DROSHA: variants seen among roughly 807,000 people sequenced by gnomAD.
DROSHA encodes the protein drosha ribonuclease III.
DROSHA carries 56 observed loss-of-function variants against 181.9 expected under a neutral mutation model. The ratio of observed to expected loss-of-function variants is 0.31; its 90% CI spans 0.25 to 0.38. The LOEUF is 0.38. Among genes scored for constraint, DROSHA ranks in the 10% least tolerant of loss-of-function variants. DROSHA has a pLI of 1.00. For synonymous variants in DROSHA, 524 were observed against 591.2 expected, an observed-to-expected ratio of 0.89 and a Z score of 1.65; for missense variants, 1,218 against 1,743.5, an observed-to-expected ratio of 0.70 and a Z score of 5.37.
intron 12 of DROSHA, among the ~76,000 whole-genome samples, chr5:31,493,641 CA>C (rs1752638119): frequency 6.6e-6 from 1 of 152,050 alleles, no homozygotes; most frequent in African/African-American, 2.4e-5. Context: ...CTAACAGGAG[CA>C]AGGTAATAAC....
At chr5:31,503,747 C>T (rs920288433) in intron 11 of DROSHA, among the ~76,000 whole-genome samples, 10 of 152,214 alleles carry the variant, frequency 6.6e-5, no homozygotes, top group African/African-American at 2.2e-4. Context: ...GGCATGTGCA[C>T]AAACGCTCAC....
chr5:31,405,136 G>A (rs900744907), intron 35 of DROSHA, among the ~76,000 whole-genome samples: 18 of 152,172 alleles, frequency 1.2e-4, no homozygotes, highest in Non-Finnish European at 2.4e-4. Flanking sequence ...GGAGGCCCAG[G>A]TGGGTGGATC....
intron 8 of DROSHA, among the ~76,000 whole-genome samples, chr5:31,512,157 T>C (rs1026183742): frequency 3.3e-5 from 5 of 152,182 alleles, no homozygotes; most frequent in Non-Finnish European, 7.4e-5. Flanking sequence ...CTGTCAAATG[T>C]AAAATTAAGG....
chr5:31,404,249 G>T (rs2149982941), intron 35 of DROSHA, among the ~76,000 whole-genome samples: 1 of 152,248 alleles, frequency 6.6e-6, no homozygotes, highest in East Asian at 1.9e-4. Flanking sequence ...GATCTCTCCA[G>T]TACTGTTTTA....
At chr5:31,528,342 A>G (rs963436801) in intron 4 of DROSHA, among the ~76,000 whole-genome samples, 54 of 152,188 alleles carry the variant, frequency 3.5e-4, no homozygotes, top group Middle Eastern at 3.4e-3. Flanking sequence ...AACAAATTCA[A>G]CATAACATAT....
At chr5:31,461,064 A>G (rs1182704677) in intron 20 of DROSHA, among the ~76,000 whole-genome samples, 1 of 152,182 alleles carries the variant, frequency 6.6e-6, no homozygotes, top group Non-Finnish European at 1.5e-5. Flanking sequence ...GCACTGGACT[A>G]AACATTTATT....
intron 9 of DROSHA, among the ~76,000 whole-genome samples, chr5:31,509,920 T>C (rs1182468521): frequency 1.3e-5 from 2 of 151,270 alleles, no homozygotes; most frequent in Admixed American, 1.3e-4. Context: ...AGGTCCAGAG[T>C]TTCAGTTTTA....
chr5:31,435,667 T>C lies in DROSHA; in HGVS notation c.3042+98A>G, dbSNP rs533155869. 36 of 1,055,208 alleles carry C rather than the reference T, an allele frequency of 3.4e-5. No homozygotes were observed. The African/African-American group carries it at 5.1e-4, about 15-fold the overall frequency. 65.4% of individuals were successfully genotyped at this position (1,055,208 alleles called of 1,614,324 possible). A position where few individuals can be genotyped will look rare whatever the true frequency, so the allele number is the denominator to read the frequency against. On this transcript the variant is annotated intron_variant, in intron 25 of 35. Coordinates refer to ENST00000344624, the MANE Select transcript of DROSHA (RefSeq NM_001382508.1). ...GTCTGTAAAATATTAACACTCCTAA[T>C]ATATCCTAACGAGTTACTTATTCAA...
chr5:31,446,188 T>C (rs1746226753), intron 23 of DROSHA, among the ~76,000 whole-genome samples: 1 of 152,156 alleles, frequency 6.6e-6, no homozygotes, highest in Non-Finnish European at 1.5e-5. Context: ...GGCTCACGCC[T>C]GTAATCCCAG....
chr5:31,484,813 A>C (rs1307437582), intron 15 of DROSHA, 68 bp downstream of exon 15: 1 of 1,156,124 alleles, frequency 8.6e-7, no homozygotes, highest in African/African-American at 1.6e-5. Context: ...AACTTTTATA[A>C]GAGTTTTCAC....
At chr5:31,435,043 T>C (rs910275576) in intron 25 of DROSHA, among the ~76,000 whole-genome samples, 1 of 152,264 alleles carries the variant, frequency 6.6e-6, no homozygotes, top group Non-Finnish European at 1.5e-5. Context: ...ATTTCCATTT[T>C]ACAGACGAGA....
intron 25 of DROSHA, 129 bp from the exon 26 acceptor site, chr5:31,431,807 A>T (rs1354245253): frequency 3.5e-5 from 26 of 744,866 alleles, no homozygotes; most frequent in Non-Finnish European, 4.0e-5. Context: ...CAAATCCATG[A>T]ATATATTAAG....
chr5:31,484,456 A>G (rs553362852), intron 15 of DROSHA, among the ~76,000 whole-genome samples: 1 of 148,908 alleles, frequency 6.7e-6, no homozygotes, highest in East Asian at 2.0e-4. Context: ...AGAACCAAGC[A>G]TCAAGTCTTT....
Position 31,482,894 on chromosome 5 carries a change from C to T in DROSHA, c.2071+660G>A, listed in dbSNP as rs186716257. On this transcript the variant is annotated intron_variant, in intron 16 of 35. Coordinates refer to ENST00000344624, the MANE Select transcript of DROSHA (RefSeq NM_001382508.1). Reference sequence around the variant, plus strand: ...GTCTCAAACCCTCACTGGGCTCAAGCGATCCTTCCTTCTCAGCCTCCCAAA... The same window carrying T: ...GTCTCAAACCCTCACTGGGCTCAAGTGATCCTTCCTTCTCAGCCTCCCAAA... 3.3e-3 allele frequency among the ~76,000 whole-genome samples: 494 copies of T among 151,778 alleles called. 2 individuals carry two copies. Among genetic ancestry groups the T allele is most frequent in the Non-Finnish European group, 5.3e-3 (357 of 67,972 alleles).
intron 23 of DROSHA, among the ~76,000 whole-genome samples, chr5:31,438,221 G>A (rs538969106): frequency 1.3e-4 from 20 of 152,272 alleles, no homozygotes; most frequent in Non-Finnish European, 2.4e-4. Context: ...TCACTGCCCC[G>A]TTGGTTGAGC....
At chr5:31,501,686 A>G (rs1753590711) in intron 11 of DROSHA, among the ~76,000 whole-genome samples, 1 of 152,166 alleles carries the variant, frequency 6.6e-6, no homozygotes, top group Non-Finnish European at 1.5e-5. Context: ...CAGGTGTTGT[A>G]GTTTAGCTAG....
chr5:31,529,966 G>A (rs1417329025), intron 3 of DROSHA, among the ~76,000 whole-genome samples: 1 of 152,032 alleles, frequency 6.6e-6, no homozygotes, highest in Non-Finnish European at 1.5e-5. Flanking sequence ...CATAAATATT[G>A]AGTACAAAAA....
At chr5:31,513,906 G>T (rs1390046483) in intron 8 of DROSHA, among the ~76,000 whole-genome samples, 2 of 152,216 alleles carry the variant, frequency 1.3e-5, no homozygotes, top group African/African-American at 4.8e-5. Flanking sequence ...CTAGGGGGAA[G>T]AGGGGAAGAG....
At chr5:31,469,177 T>A (rs1017918419) in intron 17 of DROSHA, among the ~76,000 whole-genome samples, 1 of 152,076 alleles carries the variant, frequency 6.6e-6, no homozygotes, top group South Asian at 2.1e-4. Flanking sequence ...GCCAACATAG[T>A]GAAACCCCAT....
Sources: allele counts gnomAD v4.1 joint callset (sites outside exome capture counted in the v4.1 genomes callset), GRCh38; gene constraint gnomAD v4.1.1; transcripts MANE v1.5; gene names NCBI Gene and HGNC (gene_info 2026-07-23, HGNC 2026-07-21).